Variants in CDH13 observed in about 807,000 individuals in gnomAD.
CDH13 encodes the protein cadherin-13.
CDH13 carries 24 observed loss-of-function variants against 63.8 expected under a neutral mutation model. The ratio of observed to expected loss-of-function variants is 0.38; its 90% CI spans 0.27 to 0.53. The LOEUF (loss-of-function observed/expected upper bound fraction) is 0.53. Among genes scored for constraint, CDH13 ranks in the 20% least tolerant of loss-of-function variants. The probability of loss-of-function intolerance (pLI) is 0.85; values close to 1 mark genes in which losing one functional copy is unlikely to be tolerated. For synonymous variants in CDH13, 503 were observed against 355.3 expected (o/e 1.42, Z -4.67); for missense variants, 1,049 against 903.1 (o/e 1.16, Z -2.07).
chr16:82,870,136 A>T (rs984521697), intron 2 of CDH13, among the ~76,000 whole-genome samples: 1 of 152,176 alleles, frequency 6.6e-6, no homozygotes, highest in South Asian at 2.1e-4. Context: ...AGAAAAAAAA[A>T]TCTCATTAAA....
chr16:83,633,742 C>G (rs1032479226), intron 8 of CDH13, among the ~76,000 whole-genome samples: 4 of 152,232 alleles, frequency 2.6e-5, no homozygotes, highest in Middle Eastern at 3.4e-3. Context: ...TATTGCCCTT[C>G]AAAACAGGTT....
At chr16:83,665,251 A>G (rs918330225) in intron 8 of CDH13, among the ~76,000 whole-genome samples, 7 of 152,224 alleles carry the variant, frequency 4.6e-5, no homozygotes, top group South Asian at 2.1e-4. Context: ...GCAGACTGTG[A>G]TAAGAGCAGA....
At chr16:83,496,784 A>C (rs1206272316) in intron 7 of CDH13, among the ~76,000 whole-genome samples, 1 of 152,236 alleles carries the variant, frequency 6.6e-6, no homozygotes, top group Admixed American at 6.5e-5. Context: ...TAATATCCAG[A>C]ATCTACAATG....
At chr16:82,653,755 C>T (rs762787022) in intron 1 of CDH13, among the ~76,000 whole-genome samples, 11 of 152,154 alleles carry the variant, frequency 7.2e-5, no homozygotes, top group Non-Finnish European at 1.3e-4. Context: ...GCAGCAGTGA[C>T]AGACGCTCTT....
intron 10 of CDH13, among the ~76,000 whole-genome samples, chr16:83,695,163 T>G (rs1381190324): frequency 6.6e-6 from 1 of 152,252 alleles, no homozygotes; most frequent in East Asian, 1.9e-4. Flanking sequence ...GCCAAGATCA[T>G]GCCACTGTAC....
intron 2 of CDH13, among the ~76,000 whole-genome samples, chr16:82,977,081 C>A (rs568572028): frequency 6.6e-6 from 1 of 152,112 alleles, no homozygotes; most frequent in African/African-American, 2.4e-5. Context: ...CTAAATATAC[C>A]TCTGGAATAC....
intron 1 of CDH13, among the ~76,000 whole-genome samples, chr16:82,783,740 C>T (rs1034020139): frequency 6.6e-6 from 1 of 152,122 alleles, no homozygotes; most frequent in Non-Finnish European, 1.5e-5. Context: ...GCAAGGGCTT[C>T]TCCACACCTA....
At chr16:82,821,930 T>A (rs1265635963) in intron 1 of CDH13, among the ~76,000 whole-genome samples, 1 of 152,202 alleles carries the variant, frequency 6.6e-6, no homozygotes, top group Non-Finnish European at 1.5e-5. Context: ...TCCAGTGATA[T>A]AAGAATGTGT....
rs375397116 is a variant in CDH13 at position 82,716,923 on chromosome 16, G to A, written c.45+89786G>A. On this transcript the variant is annotated intron_variant, in intron 1 of 13. Transcript: ENST00000567109. ...AGGGCTCATTCCTTCTTCAAGTCCC[G>A]GTGTAGAGTTTGGTGTTAGAAGGGA... Among the ~76,000 whole-genome samples, 23 of 152,002 alleles carry A rather than the reference G, an allele frequency of 1.5e-4. No individual in the cohort carries two copies. The South Asian group carries it at 3.8e-3, about 25-fold the overall frequency.
At chr16:83,661,871 A>G (rs933221687) in intron 8 of CDH13, among the ~76,000 whole-genome samples, 1 of 152,236 alleles carries the variant, frequency 6.6e-6, no homozygotes, top group Non-Finnish European at 1.5e-5. Flanking sequence ...CTGCCAGGGC[A>G]TGCAGTGAAT....
At chr16:82,683,260 G>A (rs1292156716) in intron 1 of CDH13, among the ~76,000 whole-genome samples, 4 of 152,108 alleles carry the variant, frequency 2.6e-5, no homozygotes, top group African/African-American at 4.8e-5. Flanking sequence ...GTCCAGGTTT[G>A]ATCTGCAGGA....
chr16:83,183,993 A>G (rs1163328819), intron 4 of CDH13, among the ~76,000 whole-genome samples: 4 of 152,002 alleles, frequency 2.6e-5, no homozygotes, highest in African/African-American at 9.7e-5. Context: ...CAACTTGAAC[A>G]TTAACATCTA....
chr16:82,927,641 T>G lies in CDH13; in HGVS notation c.157+69168T>G, dbSNP rs560025187. Among the ~76,000 whole-genome samples the G allele has an allele frequency of 2.2e-4, 34 of 152,328 alleles. No individual in the cohort carries two copies. In the East Asian group the frequency reaches 6.4e-3, roughly 29 times the overall value. On this transcript the variant is annotated intron_variant, in intron 2 of 13. Coordinates refer to ENST00000567109, the MANE Select transcript of CDH13 (RefSeq NM_001257.5). ...TCCTCAAGAACTCTTCCCTAGTAAG[T>G]GATCCCATAGAACGCCATGTTTCCC...
At chr16:83,515,810 A>G (rs117109164) in intron 7 of CDH13, among the ~76,000 whole-genome samples, 1,593 of 152,346 alleles carry the variant, frequency 0.01, 17 homozygotes, top group Middle Eastern at 0.048. Context: ...AATAAAATTA[A>G]TAAGTTGTTT....
intron 8 of CDH13, among the ~76,000 whole-genome samples, chr16:83,614,981 CT>C (rs1909163862): frequency 6.6e-6 from 1 of 152,144 alleles, no homozygotes; most frequent in Non-Finnish European, 1.5e-5. Flanking sequence ...CTAAACTTTT[CT>C]TTCTGATTCT....
chr16:82,665,482 A>G (rs954740646), intron 1 of CDH13, among the ~76,000 whole-genome samples: 5 of 152,200 alleles, frequency 3.3e-5, no homozygotes, highest in African/African-American at 9.6e-5. Context: ...CAATGGTTCA[A>G]TATATGTTAA....
chr16:83,532,454 T>C (rs930477890), intron 7 of CDH13, among the ~76,000 whole-genome samples: 4 of 152,214 alleles, frequency 2.6e-5, no homozygotes, highest in African/African-American at 9.6e-5. Flanking sequence ...AAAATGTTAC[T>C]GGATAAATGA....
Position 83,238,772 on chromosome 16 carries a change from G to T in CDH13, c.636+21275G>T, listed in dbSNP as rs115379545. On this transcript the variant is annotated intron_variant, in intron 5 of 13. Coordinates refer to ENST00000567109, the MANE Select transcript of CDH13 (RefSeq NM_001257.5). ...TGTTTGTTTGTTTGTTTGTTTTAGC[G>T]TTGAACACTTCTTGTTGAATGCCTT... Among the ~76,000 whole-genome samples, 1,201 of 151,936 alleles carry T rather than the reference G, an allele frequency of 7.9e-3. 18 individuals carry two copies. The highest frequency in any genetic ancestry group is 0.027 in the African/African-American group (1,119 of 41,430).
intron 2 of CDH13, among the ~76,000 whole-genome samples, chr16:82,913,589 G>T (rs556220274): frequency 6.6e-6 from 1 of 152,150 alleles, no homozygotes; most frequent in Admixed American, 6.5e-5. Flanking sequence ...ACAGCCTAAG[G>T]TGGCTATACC....
Sources: allele counts gnomAD v4.1 joint callset (sites outside exome capture counted in the v4.1 genomes callset), GRCh38; gene constraint gnomAD v4.1.1; transcripts MANE v1.5; gene names NCBI Gene and HGNC (gene_info 2026-07-23, HGNC 2026-07-21).